The following CAB39 variants were observed in gnomAD, a reference collection of about 807,000 sequenced individuals.
CAB39 encodes calcium-binding protein 39.
In CAB39, 8 loss-of-function variants were observed where a neutral mutation model predicts 40.0. The observed-to-expected ratio is 0.20, with a 90% CI of 0.12 to 0.36. The LOEUF is 0.36. Ranked by LOEUF, CAB39 falls within the 10% of genes least tolerant of loss-of-function variation. CAB39 has a pLI of 1.00. For missense variants in CAB39, 270 were observed against 401.1 expected (o/e 0.67, Z 2.79); for synonymous variants, 156 against 141.6 (o/e 1.10, Z -0.72).
intron 6 of CAB39, among the ~76,000 whole-genome samples, chr2:230,813,400 G>A (rs1436961211): frequency 6.6e-6 from 1 of 152,042 alleles, no homozygotes; most frequent in Non-Finnish European, 1.5e-5. Context: ...TTCATACTAT[G>A]TCCTTCCTTT....
At position 230,748,828 on chromosome 2, in the gene CAB39, AAAAATATATATATATATAT is replaced by A. The variant is rs1428835322; in HGVS notation, c.-43-11129_-43-11111del. ...TTTCCAAAAAGAAAAAAAAAAAAAA[AAAAATATATATATATATAT>A]ATATATATATATATATATATAACAA... On this transcript the variant is annotated intron_variant, in intron 1 of 8. Transcript: ENST00000258418. Among the ~76,000 whole-genome samples, 9 of 62,748 alleles carry A rather than the reference AAAAATATATATATATATAT, an allele frequency of 1.4e-4. 1 individual carries two copies. Among genetic ancestry groups the A allele is most frequent in the South Asian group, 1.0e-3 (2 of 2,010 alleles). The allele number at this position is 62,748 out of a possible 152,430, so 41.2% of individuals were successfully genotyped here.
intron 1 of CAB39, among the ~76,000 whole-genome samples, chr2:230,717,265 G>T (rs549826406): frequency 1.4e-4 from 22 of 152,238 alleles, no homozygotes; most frequent in African/African-American, 2.9e-4. Flanking sequence ...GTAAAGATCT[G>T]GCATTATTAT....
chr2:230,803,861 C>T (rs1268464654), intron 5 of CAB39, among the ~76,000 whole-genome samples: 2 of 152,202 alleles, frequency 1.3e-5, no homozygotes, highest in Non-Finnish European at 2.9e-5. Flanking sequence ...TCCCATCAAG[C>T]TACCACTGAC....
intron 8 of CAB39, 26 bp from the exon 9 acceptor site, chr2:230,818,490 C>T: frequency 6.2e-7 from 1 of 1,601,074 alleles, no homozygotes; most frequent in Non-Finnish European, 8.5e-7. Context: ...TTTCTCTGTG[C>T]CTCATGTGCG....
intron 2 of CAB39, among the ~76,000 whole-genome samples, chr2:230,786,905 CTG>C (rs1201407531): frequency 1.4e-3 from 211 of 152,238 alleles, no homozygotes; most frequent in African/African-American, 4.8e-3. Context: ...TTCTGGGTTA[CTG>C]AATTTGCATA....
chr2:230,727,123 T>A (rs1575902229), intron 1 of CAB39, among the ~76,000 whole-genome samples: 1 of 152,100 alleles, frequency 6.6e-6, no homozygotes, highest in East Asian at 1.9e-4. Flanking sequence ...CATGCACAAC[T>A]TTGGAAGAGC....
In CAB39 at chr2:230,757,304, G is replaced by A. The variant is rs150073974; in HGVS notation, c.-43-2655G>A. Among the ~76,000 whole-genome samples, 390 of 151,988 alleles carry A rather than the reference G, an allele frequency of 2.6e-3. 3 individuals carry two copies. Among genetic ancestry groups the A allele is most frequent in the African/African-American group, 8.8e-3 (363 of 41,428 alleles). ...AGAGACAGGGTCTCCCTATGTTGCCGAGGCTGGTCTCAAACTCCTGACCTC... is the reference window on the plus strand; with the variant it reads ...AGAGACAGGGTCTCCCTATGTTGCCAAGGCTGGTCTCAAACTCCTGACCTC... On this transcript the variant is annotated intron_variant, in intron 1 of 8. Coordinates refer to ENST00000258418, the MANE Select transcript of CAB39 (RefSeq NM_016289.4).
At chr2:230,761,355 C>T (rs988382717) in intron 2 of CAB39, among the ~76,000 whole-genome samples, 1 of 152,130 alleles carries the variant, frequency 6.6e-6, no homozygotes, top group East Asian at 1.9e-4. Context: ...CATTTTCTTA[C>T]ACTTATTCAC....
intron 2 of CAB39, among the ~76,000 whole-genome samples, chr2:230,764,482 A>G (rs193032839): frequency 6.6e-6 from 1 of 152,224 alleles, no homozygotes; most frequent in Non-Finnish European, 1.5e-5. Flanking sequence ...TAGCTCCATC[A>G]TCAGTTTATG....
chr2:230,765,620 A>T (rs1695372583), intron 2 of CAB39, among the ~76,000 whole-genome samples: 1 of 152,128 alleles, frequency 6.6e-6, no homozygotes, highest in Non-Finnish European at 1.5e-5. Flanking sequence ...TTAGTCTCTG[A>T]TGCAATCCAT....
rs1468590685 is a variant in CAB39 at position 230,748,825 on chromosome 2, AAAAAAAATAT to A, written c.-43-11132_-43-11123del. ...CTATTTCCAAAAAGAAAAAAAAAAA[AAAAAAAATAT>A]ATATATATATATATATATATATATA... On this transcript the variant is annotated intron_variant, in intron 1 of 8. Coordinates refer to ENST00000258418, the MANE Select transcript of CAB39 (RefSeq NM_016289.4). 1.5e-3 allele frequency among the ~76,000 whole-genome samples: 89 copies of A among 59,184 alleles called. 1 individual carries two copies. Among genetic ancestry groups the A allele is most frequent in the African/African-American group, 4.9e-3 (80 of 16,482 alleles). The allele number at this position is 59,184 out of a possible 152,430, so 38.8% of individuals were successfully genotyped here.
chr2:230,790,908 A>G lies in CAB39; in HGVS notation c.151A>G (p.Lys51Glu). 6.2e-7 allele frequency: 1 copy of G among 1,608,526 alleles called. No homozygotes were observed. Among genetic ancestry groups the G allele is most frequent in the Non-Finnish European group, 8.5e-7 (1 of 1,178,546 alleles). Residue 51 changes from lysine to glutamate, a missense_variant, in exon 3 of 9, where the codon AAA becomes GAA. Transcript: ENST00000258418. Reference sequence around the variant, plus strand: ...AGTTTCCAAAAATCTGGTTGCCATGAAAGAAATTCTGTATGGCACAAATGA... The same window carrying G: ...AGTTTCCAAAAATCTGGTTGCCATGGAAGAAATTCTGTATGGCACAAATGA... Reference protein sequence around the residue: ...EEVSKNLVAMKEILYGTNEKE... With the variant: ...EEVSKNLVAMEEILYGTNEKE...
rs1694277358 is a variant in CAB39, at chr2:230,713,106, A to C, written c.-168A>C. 1 of 151,702 alleles carries C rather than the reference A, an allele frequency of 6.6e-6. No homozygotes were observed. Among genetic ancestry groups the C allele is most frequent in the South Asian group, 2.1e-4 (1 of 4,836 alleles). The allele number at this position is 151,702 out of a possible 1,614,324, so 9.4% of individuals were successfully genotyped here. A position where few individuals can be genotyped will look rare whatever the true frequency, so the allele number is the denominator to read the frequency against. On this transcript the variant is annotated 5_prime_UTR_variant, in exon 1 of 9. Coordinates refer to ENST00000258418, the MANE Select transcript of CAB39 (RefSeq NM_016289.4). ...CGCCGGGAGCAGGAGCGGGCGGAAG[A>C]CAACGGAGGGGCCGAGCGTCCGAGC...
chr2:230,725,735 C>T (rs1694556070), intron 1 of CAB39, among the ~76,000 whole-genome samples: 1 of 152,182 alleles, frequency 6.6e-6, no homozygotes, highest in African/African-American at 2.4e-5. Flanking sequence ...GTCAAGTCTC[C>T]TGGTCAGGAT....
At chr2:230,813,280 C>T (rs1696335915) in intron 6 of CAB39, among the ~76,000 whole-genome samples, 1 of 152,222 alleles carries the variant, frequency 6.6e-6, no homozygotes, top group Non-Finnish European at 1.5e-5. Flanking sequence ...TAATGGGCTT[C>T]TAGCCTTCAC....
intron 5 of CAB39, among the ~76,000 whole-genome samples, chr2:230,800,911 T>C (rs929051009): frequency 6.6e-6 from 1 of 151,908 alleles, no homozygotes; most frequent in South Asian, 2.1e-4. Context: ...AAGGAGAAAA[T>C]GGCAGTGATG....
intron 1 of CAB39, among the ~76,000 whole-genome samples, chr2:230,745,229 G>C (rs1046143217): frequency 2.6e-5 from 4 of 152,096 alleles, no homozygotes; most frequent in African/African-American, 9.7e-5. Context: ...ATATATAATA[G>C]GTATATCTAG....
intron 6 of CAB39, among the ~76,000 whole-genome samples, chr2:230,812,455 A>T (rs185691993): frequency 6.6e-6 from 1 of 152,256 alleles, no homozygotes; most frequent in East Asian, 1.9e-4. Context: ...GGCCACATAC[A>T]TACTTTTCAG....
chr2:230,763,863 T>G (rs1256707234), intron 2 of CAB39, among the ~76,000 whole-genome samples: 1 of 152,200 alleles, frequency 6.6e-6, no homozygotes, highest in Non-Finnish European at 1.5e-5. Flanking sequence ...GGCTCACACC[T>G]GTAATCCCAG....
Sources: allele counts gnomAD v4.1 joint callset (sites outside exome capture counted in the v4.1 genomes callset), GRCh38; gene constraint gnomAD v4.1.1; transcripts MANE v1.5; gene names NCBI Gene and HGNC (gene_info 2026-07-23, HGNC 2026-07-21).